The following PLEKHG7 variants were observed in gnomAD, a reference collection of about 807,000 sequenced individuals.
PLEKHG7 encodes pleckstrin homology domain-containing family G member 7.
Under a neutral mutation model 85.2 loss-of-function variants are expected in PLEKHG7, and 77 were observed. The ratio of observed to expected loss-of-function variants is 0.90; its 90% CI spans 0.75 to 1.09. PLEKHG7 has a LOEUF of 1.09. Ranked by LOEUF, PLEKHG7 falls within the 50% of genes least tolerant of loss-of-function variation. PLEKHG7 has a pLI of 0.00. For synonymous variants in PLEKHG7, 301 were observed against 302.4 expected (o/e 1.00, Z 0.05); for missense variants, 777 against 804.3 (o/e 0.97, Z 0.41).
At position 92,706,880 on chromosome 12, in the gene PLEKHG7, C is replaced by T. The variant is rs748730757; in HGVS notation, c.249C>T (p.Tyr83=). The change falls in exon 2 of 17, where the codon TAC becomes TAT. Residue 83 remains tyrosine, a synonymous_variant. Coordinates refer to ENST00000344636, the MANE Select transcript of PLEKHG7 (RefSeq NM_001377329.1). ...GAGCTCCTGTGGGCTTCCCATGTTA[C>T]CTTTCGAAGAGCCTGCCAGGAAGCC... ...SWGAPVGFPC[Y]LSKSLPGSPK... is the part of the protein sequence containing the mutation. 1.3e-5 allele frequency: 21 copies of T among 1,613,892 alleles called. No homozygotes were observed. The highest frequency in any genetic ancestry group is 3.3e-5 in the South Asian group (3 of 91,088).
intron 3 of PLEKHG7, among the ~76,000 whole-genome samples, chr12:92,716,571 C>T (rs1373424736): frequency 6.6e-6 from 1 of 152,168 alleles, no homozygotes; most frequent in Non-Finnish European, 1.5e-5. Context: ...TTCAAACCTT[C>T]CTCTGTTATC....
Position 92,756,385 on chromosome 12 carries a change from C to G in PLEKHG7, c.1630C>G (p.Leu544Val), listed in dbSNP as rs1470360105. 1 of 1,608,188 alleles carries G rather than the reference C, an allele frequency of 6.2e-7. No homozygotes were observed. Among genetic ancestry groups the G allele is most frequent in the Admixed American group, 1.7e-5 (1 of 59,994 alleles). ...CCTTCTCTATGAAGGAAAATTAACT[C>G]TTGCAGGTAAATAACTGCTTCCTTT... ...RHLLYEGKLT[L>V]AESTRFLDVY... The change falls in exon 13 of 17, where the codon CTT (leucine) becomes GTT (valine). Residue 544 changes from leucine (L) to valine (V), a missense_variant. Physicochemically the swap from Leu to Val is conservative, Grantham distance 32. Transcript: ENST00000344636.
chr12:92,737,361 T>C lies in PLEKHG7; in HGVS notation c.796-17T>C. 1 of 1,408,884 alleles carries C rather than the reference T, an allele frequency of 7.1e-7. No homozygotes were observed. Among genetic ancestry groups the C allele is most frequent in the South Asian group, 1.9e-5 (1 of 51,286 alleles). 87.3% of individuals were successfully genotyped at this position (1,408,884 alleles called of 1,614,324 possible). ...GAGGTGGAAATGTTTTGTTCTCTCTTTTTCCCTCATGTACAGGATAAGACC... is the reference window on the plus strand; with the variant it reads ...GAGGTGGAAATGTTTTGTTCTCTCTCTTTCCCTCATGTACAGGATAAGACC... On this transcript the variant is annotated splice_polypyrimidine_tract_variant and intron_variant, in intron 6 of 16. Transcript: ENST00000344636.
intron 15 of PLEKHG7, 108 bp downstream of exon 15, chr12:92,764,302 A>C (rs1873123279): frequency 8.6e-7 from 1 of 1,167,000 alleles, no homozygotes; most frequent in Non-Finnish European, 1.2e-6. Context: ...TCATAAAAAC[A>C]AGACTGTGTT....
chr12:92,715,675 A>C (rs1286358008), intron 3 of PLEKHG7, among the ~76,000 whole-genome samples: 1 of 141,972 alleles, frequency 7.0e-6, no homozygotes, highest in Non-Finnish European at 1.5e-5. Context: ...AGAGCTCTGC[A>C]TGAGGCCCCA....
At chr12:92,720,378 T>C (rs1871604457) in intron 3 of PLEKHG7, among the ~76,000 whole-genome samples, 1 of 151,458 alleles carries the variant, frequency 6.6e-6, no homozygotes, top group African/African-American at 2.4e-5. Flanking sequence ...CAGGCTGGAG[T>C]GTAGTGGCGT....
intron 5 of PLEKHG7, among the ~76,000 whole-genome samples, chr12:92,732,907 G>A (rs927633912): frequency 3.3e-5 from 5 of 152,108 alleles, no homozygotes; most frequent in Admixed American, 1.3e-4. Context: ...TTTCTAGGGG[G>A]AGAAAAGGGA....
chr12:92,706,371 T>C, intron 1 of PLEKHG7, 100 bp from the exon 2 acceptor site: 2 of 417,128 alleles, frequency 4.8e-6, no homozygotes, highest in Non-Finnish European at 8.5e-6. Flanking sequence ...CTATTGCCTA[T>C]GAAGAATTAG....
rs1187434446 is a variant in PLEKHG7, at chr12:92,770,161, T to G, written c.2042T>G (p.Leu681Ter). ...AGTCAGGAAACCAAGAAAATATCTT[T>G]ATTCACATTGCCCGCAGAATCCTCT... ...TKSQETKKIS[L>*]FTLPAESSEI The change falls in exon 17 of 17, where the codon TTA becomes TGA. Residue 681 changes from leucine to a stop codon, truncating the protein, a stop_gained. Transcript: ENST00000344636. LOFTEE classifies it high-confidence loss of function. 1 of 1,607,766 alleles carries G rather than the reference T, an allele frequency of 6.2e-7. No homozygotes were observed. Among genetic ancestry groups the G allele is most frequent in the Admixed American group, 1.7e-5 (1 of 59,358 alleles).
rs1285652151 is a variant in PLEKHG7, at chr12:92,770,993, A to G, written c.*798A>G. On this transcript the variant is annotated 3_prime_UTR_variant, in exon 17 of 17. Coordinates refer to ENST00000344636, the MANE Select transcript of PLEKHG7 (RefSeq NM_001377329.1). ...GCCATAAAAATACTTTCTGGTTTTG[A>G]TTGGTGTGTGTGTGTGTGTGTGTGT... is the stretch of plus-strand genomic sequence containing the variant. 5 of 59,982 alleles carry G rather than the reference A, an allele frequency of 8.3e-5. No individual in the cohort carries two copies. The highest frequency in any genetic ancestry group is 1.1e-4 in the Non-Finnish European group (3 of 26,350). 3.7% of individuals were successfully genotyped at this position (59,982 alleles called of 1,614,324 possible). A position where few individuals can be genotyped will look rare whatever the true frequency, so the allele number is the denominator to read the frequency against.
At chr12:92,733,290 C>G (rs896999896) in intron 5 of PLEKHG7, among the ~76,000 whole-genome samples, 1 of 152,158 alleles carries the variant, frequency 6.6e-6, no homozygotes, top group African/African-American at 2.4e-5. Context: ...GCAAGTGGAG[C>G]CTACCCCAGA....
At chr12:92,745,649 G>A (rs1872516219) in intron 10 of PLEKHG7, 58 bp downstream of exon 10, 5 of 1,113,128 alleles carry the variant, frequency 4.5e-6, no homozygotes, top group Admixed American at 3.5e-5. Context: ...GGTGTCACAT[G>A]TACTGGGAAT....
rs979968376 is a variant in PLEKHG7, at chr12:92,737,699, GAGAA to G, written c.939+182_939+185del. On this transcript the variant is annotated intron_variant, in intron 7 of 16. Transcript: ENST00000344636. ...GAAGGAAGACAAGAAAAGAAAAAGAGAGAAAGAGAAGAAGAGGGAGGGAAGGAAG... is the reference window on the plus strand; with the variant it reads ...GAAGGAAGACAAGAAAAGAAAAAGAGAGAGAAGAAGAGGGAGGGAAGGAAG... Among the ~76,000 whole-genome samples the G allele has an allele frequency of 2.6e-4, 24 of 92,310 alleles. No individual in the cohort carries two copies. The South Asian group carries it at 7.9e-3, about 30-fold the overall frequency. The allele number at this position is 92,310 out of a possible 152,430, so 60.6% of individuals were successfully genotyped here. A position where few individuals can be genotyped will look rare whatever the true frequency, so the allele number is the denominator to read the frequency against.
chr12:92,760,108 A>G (rs1234823015), intron 13 of PLEKHG7, among the ~76,000 whole-genome samples: 4 of 152,134 alleles, frequency 2.6e-5, no homozygotes. Context: ...CTTCACGAAT[A>G]TGACTCAGAA....
intron 13 of PLEKHG7, among the ~76,000 whole-genome samples, chr12:92,757,410 T>TAACA (rs1459114898): frequency 6.6e-6 from 1 of 152,194 alleles, no homozygotes; most frequent in African/African-American, 2.4e-5. Flanking sequence ...GGATGTTGCC[T>TAACA]AACAGTGGTG....
chr12:92,703,892 G>A (rs1184256954), intron 1 of PLEKHG7, among the ~76,000 whole-genome samples: 3 of 152,132 alleles, frequency 2.0e-5, no homozygotes, highest in African/African-American at 7.2e-5. Flanking sequence ...ACCCAAAGCC[G>A]TATCCTAACC....
chr12:92,735,811 AT>A (rs1872128300), intron 5 of PLEKHG7, among the ~76,000 whole-genome samples: 1 of 152,326 alleles, frequency 6.6e-6, no homozygotes, highest in Admixed American at 6.5e-5. Flanking sequence ...CATATTTCCA[AT>A]GGGTATATAG....
intron 7 of PLEKHG7, among the ~76,000 whole-genome samples, chr12:92,740,537 A>G (rs1457425241): frequency 6.6e-6 from 1 of 152,236 alleles, no homozygotes; most frequent in Non-Finnish European, 1.5e-5. Context: ...TGTTGTTGGC[A>G]AGAAGAGAAT....
intron 14 of PLEKHG7, 74 bp from the exon 15 acceptor site, chr12:92,763,967 T>C (rs1873110335): frequency 7.6e-7 from 1 of 1,307,392 alleles, no homozygotes; most frequent in African/African-American, 1.5e-5. Context: ...ATCTATTTGC[T>C]TACAGATGCA....
Sources: allele counts gnomAD v4.1 joint callset (sites outside exome capture counted in the v4.1 genomes callset), GRCh38; gene constraint gnomAD v4.1.1; transcripts MANE v1.5; gene names NCBI Gene and HGNC (gene_info 2026-07-23, HGNC 2026-07-21).